The following RALGAPB variants were observed in gnomAD, a reference collection of about 807,000 sequenced individuals.
RALGAPB encodes the protein ral GTPase-activating protein subunit beta.
Under a neutral mutation model 161.1 loss-of-function variants are expected in RALGAPB, and 25 were observed. The ratio of observed to expected loss-of-function variants is 0.16; its 90% confidence interval spans 0.11 to 0.22. RALGAPB has a LOEUF of 0.22. Among genes scored for constraint, RALGAPB ranks in the 10% least tolerant of loss-of-function variants. The pLI is 1.00. For missense variants in RALGAPB, 1,391 were observed against 1,815.2 expected (o/e 0.77, Z 4.25); for synonymous variants, 629 against 626.1 (o/e 1.00, Z -0.07).
At chr20:38,525,001 G>A in intron 11 of RALGAPB, 56 bp downstream of exon 11, 3 of 1,498,486 alleles carry the variant, frequency 2.0e-6, no homozygotes, top group Non-Finnish European at 2.8e-6. Context: ...TGGTCTGTTG[G>A]TGCTTCCTCC....
chr20:38,556,954 G>A (rs1328234524), intron 22 of RALGAPB, among the ~76,000 whole-genome samples: 2 of 152,312 alleles, frequency 1.3e-5, no homozygotes, highest in Non-Finnish European at 2.9e-5. Flanking sequence ...ATGTTTGACT[G>A]CAGAAATATT....
intron 20 of RALGAPB, among the ~76,000 whole-genome samples, chr20:38,550,750 A>C (rs1193470532): frequency 1.3e-5 from 2 of 152,192 alleles, no homozygotes; most frequent in Non-Finnish European, 2.9e-5. Context: ...AGAGAGTTTG[A>C]GTCTTAAAGC....
intron 10 of RALGAPB, among the ~76,000 whole-genome samples, chr20:38,523,895 C>G (rs955279232): frequency 6.6e-6 from 1 of 152,114 alleles, no homozygotes; most frequent in African/African-American, 2.4e-5. Flanking sequence ...TTTCAAAAGG[C>G]AGAATGAGTT....
At chr20:38,563,219 G>A (rs947458111) in intron 24 of RALGAPB, among the ~76,000 whole-genome samples, 3 of 152,282 alleles carry the variant, frequency 2.0e-5, no homozygotes, top group Non-Finnish European at 4.4e-5. Context: ...AAAATGACTG[G>A]CTTATTACAA....
At chr20:38,541,785 TGAAAG>T (rs1433683261) in intron 18 of RALGAPB, among the ~76,000 whole-genome samples, 1 of 151,964 alleles carries the variant, frequency 6.6e-6, no homozygotes, top group Non-Finnish European at 1.5e-5. Context: ...GCTGGGGAGT[TGAAAG>T]GAGAAAATGA....
intron 23 of RALGAPB, among the ~76,000 whole-genome samples, chr20:38,560,395 A>T (rs1157442328): frequency 2.0e-5 from 3 of 152,210 alleles, no homozygotes; most frequent in African/African-American, 7.2e-5. Flanking sequence ...GTAGGTAAGG[A>T]GGTAGAAGCA....
At chr20:38,567,791 G>T (rs1381282098) in intron 26 of RALGAPB, among the ~76,000 whole-genome samples, 3 of 152,190 alleles carry the variant, frequency 2.0e-5, no homozygotes, top group Admixed American at 1.3e-4. Flanking sequence ...AACAAAGACA[G>T]AAGTGTCAGC....
Position 38,528,334 on chromosome 20 carries a change from A to G in RALGAPB, c.2050+2292A>G, listed in dbSNP as rs959515845. On this transcript the variant is annotated intron_variant, in intron 13 of 29. Coordinates refer to ENST00000262879, the MANE Select transcript of RALGAPB (RefSeq NM_020336.4). ...TATATAAAGCAAGTTTGACCTTCAC[A>G]TTCATTTTATTTTTATTTATTTATT... Among the ~76,000 whole-genome samples, 11 of 150,756 alleles carry G rather than the reference A, an allele frequency of 7.3e-5. No individual in the cohort carries two copies. In the South Asian group the frequency reaches 1.9e-3, roughly 26 times the overall value.
chr20:38,513,101 C>T (rs2086014434), intron 6 of RALGAPB, among the ~76,000 whole-genome samples: 1 of 152,052 alleles, frequency 6.6e-6, no homozygotes, highest in South Asian at 2.1e-4. Flanking sequence ...GGCACGGTGG[C>T]TCACGCCTAT....
intron 1 of RALGAPB, among the ~76,000 whole-genome samples, chr20:38,482,866 A>C (rs2085011701): frequency 6.6e-6 from 1 of 152,134 alleles, no homozygotes; most frequent in African/African-American, 2.4e-5. Flanking sequence ...CAAGAAACAC[A>C]ATGTGTAGGC....
chr20:38,528,773 T>G (rs1273224369), intron 13 of RALGAPB, among the ~76,000 whole-genome samples: 1 of 152,060 alleles, frequency 6.6e-6, no homozygotes, highest in African/African-American at 2.4e-5. Flanking sequence ...CTCTGCCTCC[T>G]GGGTTCAAGC....
chr20:38,520,327 T>G (rs2086249515), intron 9 of RALGAPB: 1 of 742,986 alleles, frequency 1.3e-6, no homozygotes, highest in Admixed American at 6.3e-5. Flanking sequence ...TTTTATTTTT[T>G]TCATAATTCC....
At chr20:38,565,170 G>C (rs1296666447) in intron 24 of RALGAPB, among the ~76,000 whole-genome samples, 189 bp from the exon 25 acceptor site, 1 of 151,856 alleles carries the variant, frequency 6.6e-6, no homozygotes. Flanking sequence ...ATGAAATTAA[G>C]ATTTTATTAT....
intron 23 of RALGAPB, among the ~76,000 whole-genome samples, chr20:38,559,185 ATAAAAGT>A (rs1395770108): frequency 6.6e-6 from 1 of 152,280 alleles, no homozygotes; most frequent in Non-Finnish European, 1.5e-5. Flanking sequence ...AAGGTTAGTC[ATAAAAGT>A]TAAAGTAAGG....
intron 23 of RALGAPB, among the ~76,000 whole-genome samples, chr20:38,561,241 G>A (rs567553149): frequency 3.9e-5 from 6 of 152,300 alleles, no homozygotes; most frequent in African/African-American, 7.2e-5. Flanking sequence ...GGAGAATGGC[G>A]TGAACCCGGG....
chr20:38,508,524 T>C (rs529756269), intron 5 of RALGAPB, among the ~76,000 whole-genome samples: 1 of 151,922 alleles, frequency 6.6e-6, no homozygotes, highest in Non-Finnish European at 1.5e-5. Context: ...ATATAAAAGA[T>C]AGGGACAGCA....
chr20:38,532,896 G>T (rs1400900507), intron 15 of RALGAPB, 37 bp downstream of exon 15: 2 of 1,594,002 alleles, frequency 1.3e-6, no homozygotes, highest in Non-Finnish European at 1.7e-6. Flanking sequence ...AAGTTTAATA[G>T]AATGACTTTA....
chr20:38,565,275 C>T lies in RALGAPB; in HGVS notation c.3698-84C>T, dbSNP rs142001397. ...TATATTCTATTTATCACTTTATTAA[C>T]CAGTTAACATTTCATGTAGCAAGAT... On this transcript the variant is annotated intron_variant, in intron 24 of 29. Coordinates refer to ENST00000262879, the MANE Select transcript of RALGAPB (RefSeq NM_020336.4). 1.2e-5 allele frequency: 17 copies of T among 1,456,430 alleles called. No homozygotes were observed. The African/African-American group carries it at 2.1e-4, about 18-fold the overall frequency. The allele number at this position is 1,456,430 out of a possible 1,614,324, so 90.2% of individuals were successfully genotyped here.
intron 24 of RALGAPB, among the ~76,000 whole-genome samples, chr20:38,562,965 GC>G (rs1226494359): frequency 6.6e-6 from 1 of 152,042 alleles, no homozygotes; most frequent in East Asian, 1.9e-4. Flanking sequence ...AGTCCTACCT[GC>G]TCAGGAGGCT....
Sources: gnomAD v4.1 joint callset for allele counts (sites outside exome capture counted in the v4.1 genomes callset) on GRCh38, gnomAD v4.1.1 for gene constraint, MANE v1.5 for transcripts, NCBI Gene and HGNC (gene_info 2026-07-23, HGNC 2026-07-21) for gene names.